Variants in MDFIC2 observed in about 807,000 individuals in gnomAD.
MDFIC2 encodes myoD family inhibitor domain-containing protein 2.
chr3:70,263,508 G>A (rs541735183), intron 2 of MDFIC2, among the ~76,000 whole-genome samples: 216 of 152,250 alleles, frequency 1.4e-3, no homozygotes, highest in Non-Finnish European at 2.1e-3. Context: ...GGGAATTCAA[G>A]TAATTTTCAG....
intron 2 of MDFIC2, among the ~76,000 whole-genome samples, chr3:70,281,748 A>G (rs1333833477): frequency 6.6e-6 from 1 of 152,138 alleles, no homozygotes. Flanking sequence ...CCGATAGAGA[A>G]TCCCATCCTC....
chr3:70,263,859 C>T lies in MDFIC2; in HGVS notation c.88+48027G>A, dbSNP rs116363224. On this transcript the variant is annotated intron_variant, in intron 2 of 3. Transcript: ENST00000567252. ...GCAGAAGGTCTGGGCGATGGTGGAA[C>T]TCACTTTGTTTCCTTTCTCTCGGGG... Among the ~76,000 whole-genome samples, 690 of 152,258 alleles carry T rather than the reference C, an allele frequency of 4.5e-3. 4 individuals are homozygous for T. The highest frequency in any genetic ancestry group is 0.016 in the African/African-American group (677 of 41,552).
intron 2 of MDFIC2, among the ~76,000 whole-genome samples, chr3:70,241,882 T>C (rs1701669436): frequency 6.6e-6 from 1 of 152,224 alleles, no homozygotes; most frequent in African/African-American, 2.4e-5. Context: ...GAGATGGGCT[T>C]AGAACGAAGG....
chr3:70,233,507 A>G (rs947854823), intron 2 of MDFIC2, among the ~76,000 whole-genome samples: 3 of 152,214 alleles, frequency 2.0e-5, no homozygotes, highest in Non-Finnish European at 1.5e-5. Flanking sequence ...TATTACATAC[A>G]ATAATTGACA....
At chr3:70,287,736 T>G (rs1702181438) in intron 2 of MDFIC2, among the ~76,000 whole-genome samples, 2 of 151,708 alleles carry the variant, frequency 1.3e-5, no homozygotes, top group African/African-American at 2.4e-5. Flanking sequence ...CAATTTCAGA[T>G]CCTGTTATTG....
At chr3:70,215,369 A>G (rs761466168) in intron 2 of MDFIC2, among the ~76,000 whole-genome samples, 4 of 152,128 alleles carry the variant, frequency 2.6e-5, no homozygotes, top group Admixed American at 6.6e-5. Flanking sequence ...TATGAGCTTG[A>G]GATACTTTTC....
At chr3:70,232,645 G>A (rs999400233) in intron 2 of MDFIC2, among the ~76,000 whole-genome samples, 1 of 151,962 alleles carries the variant, frequency 6.6e-6, no homozygotes, top group Non-Finnish European at 1.5e-5. Context: ...TGATCCGCCC[G>A]CCTCAGCCTC....
At chr3:70,234,161 A>G (rs1330820054) in intron 2 of MDFIC2, among the ~76,000 whole-genome samples, 6 of 152,242 alleles carry the variant, frequency 3.9e-5, no homozygotes, top group Non-Finnish European at 5.9e-5. Flanking sequence ...ACTACTTACA[A>G]TGAATGACTT....
At chr3:70,311,408 C>T (rs1376726497) in intron 2 of MDFIC2, among the ~76,000 whole-genome samples, 7 of 152,130 alleles carry the variant, frequency 4.6e-5, no homozygotes, top group East Asian at 3.9e-4. Flanking sequence ...TTTACGCATG[C>T]GGAGCCCATG....
intron 2 of MDFIC2, among the ~76,000 whole-genome samples, chr3:70,260,418 C>T (rs1490830518): frequency 2.0e-5 from 3 of 152,004 alleles, no homozygotes; most frequent in African/African-American, 7.2e-5. Flanking sequence ...CAAATAAAGT[C>T]TCATTATGAG....
intron 2 of MDFIC2, among the ~76,000 whole-genome samples, chr3:70,306,315 G>A (rs1702399686): frequency 6.6e-6 from 1 of 152,114 alleles, no homozygotes; most frequent in Non-Finnish European, 1.5e-5. Flanking sequence ...GTTTCACCAT[G>A]TTGGCCAGGC....
At chr3:70,292,189 C>T (rs1334892871) in intron 2 of MDFIC2, 1 of 152,258 alleles carries the variant, frequency 6.6e-6, no homozygotes, top group South Asian at 2.1e-4. Flanking sequence ...TCAAGCTTCC[C>T]TTTATGAATT....
At chr3:70,270,810 C>T (rs1701968753) in intron 2 of MDFIC2, among the ~76,000 whole-genome samples, 2 of 152,074 alleles carry the variant, frequency 1.3e-5, no homozygotes, top group African/African-American at 2.4e-5. Context: ...CACAAGTTAT[C>T]ACTCATAAGT....
At chr3:70,292,325 A>T (rs140219769) in intron 2 of MDFIC2, among the ~76,000 whole-genome samples, 2 of 152,266 alleles carry the variant, frequency 1.3e-5, no homozygotes, top group East Asian at 3.9e-4. Context: ...ATTAGAATGG[A>T]GTCTCTGAGA....
intron 2 of MDFIC2, among the ~76,000 whole-genome samples, chr3:70,301,085 C>CT (rs1461124376): frequency 6.6e-6 from 1 of 151,876 alleles, no homozygotes; most frequent in Non-Finnish European, 1.5e-5. Context: ...TAGCTATTTT[C>CT]TTTTAAGAAA....
chr3:70,279,905 G>C (rs1702064285), intron 2 of MDFIC2, among the ~76,000 whole-genome samples: 1 of 152,196 alleles, frequency 6.6e-6, no homozygotes, highest in Non-Finnish European at 1.5e-5. Context: ...GGCCAGAAGA[G>C]AAAGACATCA....
At chr3:70,241,153 G>A (rs190060669) in intron 2 of MDFIC2, among the ~76,000 whole-genome samples, 18 of 152,246 alleles carry the variant, frequency 1.2e-4, no homozygotes, top group African/African-American at 3.1e-4. Flanking sequence ...AAATTTATCA[G>A]TTCCTGGGAG....
chr3:70,237,448 C>G (rs1346137967), intron 2 of MDFIC2, among the ~76,000 whole-genome samples: 4 of 152,156 alleles, frequency 2.6e-5, no homozygotes. Context: ...TTTCCGATTC[C>G]TTTCAGTGAA....
At chr3:70,220,612 T>C (rs1327220698) in intron 2 of MDFIC2, among the ~76,000 whole-genome samples, 1 of 152,148 alleles carries the variant, frequency 6.6e-6, no homozygotes, top group Non-Finnish European at 1.5e-5. Context: ...GGAAGTATGT[T>C]AGTGTGTTGA....
Sources: gnomAD v4.1 joint callset for allele counts (sites outside exome capture counted in the v4.1 genomes callset) on GRCh38, gnomAD v4.1.1 for gene constraint, MANE v1.5 for transcripts, NCBI Gene and HGNC (gene_info 2026-07-23, HGNC 2026-07-21) for gene names.